The following FAM107B variants were observed in gnomAD, a reference collection of about 807,000 sequenced individuals.
The protein encoded by FAM107B is protein FAM107B.
In FAM107B, 21 loss-of-function variants were observed where a neutral mutation model predicts 31.5. The observed-to-expected ratio is 0.67, with a 90% CI of 0.47 to 0.96. FAM107B has a LOEUF of 0.96. FAM107B is among the 40% of genes least tolerant of loss of function. The probability of loss-of-function intolerance (pLI) is 0.00; values close to 1 mark genes in which losing one functional copy is unlikely to be tolerated. For missense variants in FAM107B, 452 were observed against 377.1 expected, an observed-to-expected ratio of 1.20 and a Z score of -1.64; for synonymous variants, 157 against 141.5, an observed-to-expected ratio of 1.11 and a Z score of -0.78.
At chr10:14,534,713 C>T (rs112069962) in intron 2 of FAM107B, 3,375 of 152,324 alleles carry the variant, frequency 0.022, 66 homozygotes, top group East Asian at 0.09. Flanking sequence ...TCTGCCCTGA[C>T]GCCTTCCCAA....
intron 2 of FAM107B, among the ~76,000 whole-genome samples, chr10:14,612,831 G>A (rs1467995689): frequency 1.3e-5 from 2 of 152,080 alleles, no homozygotes; most frequent in African/African-American, 2.4e-5. Flanking sequence ...AGACATAACT[G>A]TAGATACCCC....
chr10:14,719,628 T>C (rs901313435), intron 1 of FAM107B, among the ~76,000 whole-genome samples: 1 of 152,150 alleles, frequency 6.6e-6, no homozygotes, highest in Non-Finnish European at 1.5e-5. Flanking sequence ...GTAAGGCCAA[T>C]GGGAGGCACT....
intron 2 of FAM107B, among the ~76,000 whole-genome samples, chr10:14,601,700 C>T (rs1852404390): frequency 6.6e-6 from 1 of 152,158 alleles, no homozygotes; most frequent in South Asian, 2.1e-4. Flanking sequence ...TCTCACTTAC[C>T]CAAACTCCCA....
chr10:14,543,425 C>T (rs1447464249), intron 2 of FAM107B, among the ~76,000 whole-genome samples: 2 of 152,116 alleles, frequency 1.3e-5, no homozygotes, highest in African/African-American at 2.4e-5. Context: ...AGCATGCAGT[C>T]CTGAGCTCGG....
At chr10:14,572,403 T>C (rs1046812551) in intron 2 of FAM107B, 25 of 985,110 alleles carry the variant, frequency 2.5e-5, no homozygotes, top group African/African-American at 2.4e-4. Flanking sequence ...CAACCTCCAA[T>C]TGGAGGAGGA....
chr10:14,625,316 A>C (rs1201859165), intron 2 of FAM107B, among the ~76,000 whole-genome samples: 1 of 151,074 alleles, frequency 6.6e-6, no homozygotes, highest in Non-Finnish European at 1.5e-5. Context: ...GGAATTTTTC[A>C]ACCTGCCATG....
At chr10:14,530,665 G>T (rs182758238) in intron 2 of FAM107B, 150 bp from the exon 3 acceptor site, 3 of 691,974 alleles carry the variant, frequency 4.3e-6, no homozygotes, top group Non-Finnish European at 6.9e-6. Flanking sequence ...ATTCTAAAGC[G>T]CTTGGAATGT....
At chr10:14,524,202 C>T (rs1313013212) in intron 3 of FAM107B, among the ~76,000 whole-genome samples, 1 of 152,012 alleles carries the variant, frequency 6.6e-6, no homozygotes, top group Non-Finnish European at 1.5e-5. Context: ...CAACCACGAC[C>T]GGATAATTTT....
intron 2 of FAM107B, among the ~76,000 whole-genome samples, chr10:14,592,942 C>T (rs559733672): frequency 3.9e-4 from 60 of 152,268 alleles, no homozygotes; most frequent in Non-Finnish European, 6.9e-4. Context: ...AGGCTTCCAG[C>T]TCAAGTCGTG....
intron 2 of FAM107B, among the ~76,000 whole-genome samples, chr10:14,614,824 G>A (rs988305324): frequency 6.6e-6 from 1 of 152,152 alleles, no homozygotes; most frequent in African/African-American, 2.4e-5. Flanking sequence ...GTGAAACGCT[G>A]CTACCAGGTT....
intron 1 of FAM107B, among the ~76,000 whole-genome samples, chr10:14,739,598 C>A (rs546936332): frequency 6.6e-6 from 1 of 151,670 alleles, no homozygotes; most frequent in Non-Finnish European, 1.5e-5. Flanking sequence ...CAGTGCCTGG[C>A]ATATAGTAAG....
chr10:14,634,591 A>T (rs1050183818), intron 2 of FAM107B, among the ~76,000 whole-genome samples: 2 of 139,818 alleles, frequency 1.4e-5, no homozygotes, highest in Non-Finnish European at 3.1e-5. Flanking sequence ...TGCCAGCTTA[A>T]AAAAAGAAAA....
At chr10:14,656,573 A>G (rs910849913) in intron 2 of FAM107B, among the ~76,000 whole-genome samples, 1 of 152,086 alleles carries the variant, frequency 6.6e-6, no homozygotes, top group African/African-American at 2.4e-5. Context: ...AATGTGGGGG[A>G]AGGAAGTGAG....
At chr10:14,710,478 A>AC (rs1855620365) in intron 1 of FAM107B, among the ~76,000 whole-genome samples, 2 of 147,820 alleles carry the variant, frequency 1.4e-5, no homozygotes, top group South Asian at 4.4e-4. Flanking sequence ...ACACACACAC[A>AC]AAATGTTTAA....
chr10:14,647,132 G>A (rs1359707154), intron 2 of FAM107B, among the ~76,000 whole-genome samples: 1 of 152,008 alleles, frequency 6.6e-6, no homozygotes, highest in Non-Finnish European at 1.5e-5. Context: ...TTCCTAAGAT[G>A]GGCCATTCAC....
chr10:14,747,566 A>G (rs11259298), intron 1 of FAM107B, among the ~76,000 whole-genome samples: 31,339 of 151,906 alleles, frequency 0.21, 4,449 homozygotes, highest in African/African-American at 0.4. Context: ...GGGTGGCTGC[A>G]GTTTGCTGGG....
chr10:14,655,229 A>G (rs1854015011), intron 2 of FAM107B, among the ~76,000 whole-genome samples: 1 of 152,246 alleles, frequency 6.6e-6, no homozygotes. Context: ...ATCTGCACTT[A>G]TGACCAAAAC....
chr10:14,616,628 G>A (rs750123137), intron 2 of FAM107B, among the ~76,000 whole-genome samples: 6 of 152,170 alleles, frequency 3.9e-5, no homozygotes, highest in Non-Finnish European at 7.4e-5. Flanking sequence ...AGGCACACTC[G>A]AGAGAGTAAG....
chr10:14,712,467 G>A (rs189858306), intron 1 of FAM107B, among the ~76,000 whole-genome samples: 5 of 151,898 alleles, frequency 3.3e-5, no homozygotes, highest in East Asian at 1.9e-4. Context: ...GGTGATGGGC[G>A]CTTGTAACCC....
Sources: gnomAD v4.1 joint callset for allele counts (sites outside exome capture counted in the v4.1 genomes callset) on GRCh38, gnomAD v4.1.1 for gene constraint, MANE v1.5 for transcripts, NCBI Gene and HGNC (gene_info 2026-07-23, HGNC 2026-07-21) for gene names.